PDE4B: variants seen among roughly 807,000 people sequenced by gnomAD.
The protein encoded by PDE4B is 3',5'-cyclic-AMP phosphodiesterase 4B.
A neutral mutation model predicts 82.2 loss-of-function variants in PDE4B; 20 were observed. That is an observed-to-expected ratio of 0.24 (90% CI 0.17 to 0.35). The LOEUF is 0.35. Ranked by LOEUF, PDE4B falls within the 10% of genes least tolerant of loss-of-function variation. The probability of loss-of-function intolerance (pLI) is 1.00; values close to 1 mark genes in which losing one functional copy is unlikely to be tolerated. For synonymous variants in PDE4B, 320 were observed against 318.9 expected (o/e 1.00, Z -0.04); for missense variants, 655 against 907.2 (o/e 0.72, Z 3.57).
chr1:66,073,233 A>G (rs894739830), intron 3 of PDE4B, among the ~76,000 whole-genome samples: 1 of 152,028 alleles, frequency 6.6e-6, no homozygotes, highest in Admixed American at 6.6e-5. Context: ...TTACAATGTC[A>G]CCTAGTACTT....
intron 8 of PDE4B, among the ~76,000 whole-genome samples, chr1:66,334,986 T>C (rs1660404858): frequency 6.6e-6 from 1 of 152,108 alleles, no homozygotes; most frequent in Admixed American, 6.5e-5. Flanking sequence ...AACTGAATTA[T>C]CCATGGCAAA....
intron 1 of PDE4B, among the ~76,000 whole-genome samples, chr1:65,802,183 A>G (rs544524653): frequency 1.3e-5 from 2 of 152,336 alleles, no homozygotes; most frequent in African/African-American, 2.4e-5. Context: ...TTTTTTTTAT[A>G]CAACATAAAG....
At chr1:66,086,084 A>G (rs2100975895) in intron 3 of PDE4B, among the ~76,000 whole-genome samples, 1 of 152,228 alleles carries the variant, frequency 6.6e-6, no homozygotes, top group South Asian at 2.1e-4. Context: ...ATAGGGATTC[A>G]TGGAGCCTAT....
chr1:66,130,043 T>A (rs1645907948), intron 3 of PDE4B, among the ~76,000 whole-genome samples: 1 of 152,152 alleles, frequency 6.6e-6, no homozygotes, highest in Non-Finnish European at 1.5e-5. Flanking sequence ...ATTCTACAAA[T>A]CCCCAAAATT....
intron 1 of PDE4B, among the ~76,000 whole-genome samples, chr1:65,876,533 A>G (rs1646645855): frequency 6.6e-6 from 1 of 152,090 alleles, no homozygotes; most frequent in African/African-American, 2.4e-5. Context: ...TTAGTAGTAA[A>G]TCTTTTTATA....
intron 3 of PDE4B, among the ~76,000 whole-genome samples, chr1:66,138,179 G>T (rs1350171198): frequency 6.6e-6 from 1 of 152,118 alleles, no homozygotes; most frequent in Admixed American, 6.6e-5. Flanking sequence ...AAACATGGTT[G>T]GTTTTAACAA....
intron 3 of PDE4B, among the ~76,000 whole-genome samples, chr1:66,119,162 G>T (rs74084621): frequency 6.6e-6 from 1 of 152,146 alleles, no homozygotes; most frequent in African/African-American, 2.4e-5. Flanking sequence ...GCCTAGTCTC[G>T]ATTTTGGTTG....
chr1:65,914,467 CTTCTTT>C (rs1469019852), intron 2 of PDE4B, among the ~76,000 whole-genome samples: 1 of 142,788 alleles, frequency 7.0e-6, no homozygotes, highest in Non-Finnish European at 1.6e-5. Context: ...TCTTCTTCTT[CTTCTTT>C]TTTTTTTTTC....
intron 1 of PDE4B, among the ~76,000 whole-genome samples, chr1:65,882,882 C>A (rs1181542397): frequency 6.6e-6 from 1 of 152,052 alleles, no homozygotes; most frequent in Non-Finnish European, 1.5e-5. Context: ...TGTTGAAGAC[C>A]AATATGCCTT....
intron 3 of PDE4B, among the ~76,000 whole-genome samples, chr1:66,213,659 A>T (rs1361628243): frequency 6.6e-6 from 1 of 152,114 alleles, no homozygotes; most frequent in Non-Finnish European, 1.5e-5. Flanking sequence ...TTTCTACTTG[A>T]TGGAGACCAC....
rs547222300 is a variant in PDE4B, at chr1:66,033,265, A to T, written c.281+114430A>T. Among the ~76,000 whole-genome samples, 12 of 152,318 alleles carry T rather than the reference A, an allele frequency of 7.9e-5. No homozygotes were observed. In the South Asian group the frequency reaches 1.5e-3, roughly 18 times the overall value. ...TCCAAATAAACTTTTCAGCAAAAGC[A>T]TCAGGTGAGAAGTCTGGGAGAAACC... is the stretch of plus-strand genomic sequence containing the variant. On this transcript the variant is annotated intron_variant, in intron 3 of 16. Transcript: ENST00000341517.
intron 3 of PDE4B, among the ~76,000 whole-genome samples, chr1:66,034,572 G>A (rs1570043143): frequency 6.6e-6 from 1 of 152,142 alleles, no homozygotes; most frequent in Admixed American, 6.5e-5. Context: ...AACATTAAAA[G>A]GGCAGAAAAG....
At chr1:66,106,973 T>C (rs1265942553) in intron 3 of PDE4B, among the ~76,000 whole-genome samples, 2 of 148,640 alleles carry the variant, frequency 1.3e-5, no homozygotes, top group Non-Finnish European at 3.0e-5. Flanking sequence ...TTTCTTGCCT[T>C]CTGCTAGCTT....
intron 1 of PDE4B, among the ~76,000 whole-genome samples, chr1:65,895,194 T>C (rs983456109): frequency 6.6e-6 from 1 of 152,120 alleles, no homozygotes; most frequent in African/African-American, 2.4e-5. Context: ...GAGAACTGTA[T>C]ACATTACTCA....
chr1:66,367,666 A>T, intron 13 of PDE4B, 30 bp from the exon 14 acceptor site: 2 of 1,565,220 alleles, frequency 1.3e-6, no homozygotes, highest in Non-Finnish European at 1.7e-6. Context: ...TCCCTTTTTA[A>T]TTAAGTCATC....
At chr1:65,881,271 C>T (rs867186715) in intron 1 of PDE4B, among the ~76,000 whole-genome samples, 5 of 152,142 alleles carry the variant, frequency 3.3e-5, no homozygotes, top group Non-Finnish European at 5.9e-5. Context: ...AGTCATTTTC[C>T]CTCACCAAAG....
At chr1:65,938,372 A>G (rs1245098486) in intron 3 of PDE4B, among the ~76,000 whole-genome samples, 1 of 152,204 alleles carries the variant, frequency 6.6e-6, no homozygotes, top group Non-Finnish European at 1.5e-5. Flanking sequence ...TTTATTTTAT[A>G]TCTGTAATTC....
chr1:66,039,560 T>C (rs1403745738), intron 3 of PDE4B, among the ~76,000 whole-genome samples: 2 of 152,048 alleles, frequency 1.3e-5, no homozygotes, highest in African/African-American at 4.8e-5. Flanking sequence ...CTTTCTCTCA[T>C]GTCTCTATAT....
intron 2 of PDE4B, among the ~76,000 whole-genome samples, chr1:65,918,151 C>A (rs1260358881): frequency 6.6e-6 from 1 of 152,124 alleles, no homozygotes; most frequent in African/African-American, 2.4e-5. Flanking sequence ...GAGACTCCAT[C>A]TCCAAAAATA....
Sources: gnomAD v4.1 joint callset for allele counts (sites outside exome capture counted in the v4.1 genomes callset) on GRCh38, gnomAD v4.1.1 for gene constraint, MANE v1.5 for transcripts, NCBI Gene and HGNC (gene_info 2026-07-23, HGNC 2026-07-21) for gene names.